VPS13D: variants seen among roughly 807,000 people sequenced by gnomAD.
VPS13D encodes vacuolar protein sorting 13 homolog D.
A neutral mutation model predicts 461.9 loss-of-function variants in VPS13D; 187 were observed. That is an observed-to-expected ratio of 0.40 (90% confidence interval 0.36 to 0.46). The LOEUF (loss-of-function observed/expected upper bound fraction) is 0.46, where lower values mean the gene tolerates loss of function less well. VPS13D is among the 20% of genes least tolerant of loss of function. The pLI is 0.60. For synonymous variants in VPS13D, 1,951 were observed against 1,986.3 expected (o/e 0.98, Z 0.47); for missense variants, 4,711 against 5,364.9 (o/e 0.88, Z 3.81).
chr1:12,345,181 T>C (rs1393871978), intron 42 of VPS13D, among the ~76,000 whole-genome samples, 193 bp from the exon 43 acceptor site: 1 of 152,206 alleles, frequency 6.6e-6, no homozygotes, highest in Non-Finnish European at 1.5e-5. Flanking sequence ...TTACAGATCT[T>C]GCAGTTTGTG....
At chr1:12,256,597 G>C (rs533568844) in intron 8 of VPS13D, 94 bp downstream of exon 8, 1 of 1,375,014 alleles carries the variant, frequency 7.3e-7, no homozygotes, top group Non-Finnish European at 9.9e-7. Context: ...AGGAAAGAAA[G>C]TTCATGTGAG....
chr1:12,449,047 T>C (rs1227319561), intron 65 of VPS13D, among the ~76,000 whole-genome samples: 1 of 151,884 alleles, frequency 6.6e-6, no homozygotes, highest in Non-Finnish European at 1.5e-5. Flanking sequence ...GAAAAAGGAG[T>C]GTCTGTTGCC....
At chr1:12,263,338 C>T (rs956517819) in intron 13 of VPS13D, among the ~76,000 whole-genome samples, 3 of 152,124 alleles carry the variant, frequency 2.0e-5, no homozygotes, top group Non-Finnish European at 2.9e-5. Context: ...GGAGGCAGAG[C>T]GTTGCCATGT....
intron 67 of VPS13D, among the ~76,000 whole-genome samples, chr1:12,479,543 C>G (rs1645684917): frequency 6.6e-6 from 1 of 152,196 alleles, no homozygotes. Context: ...TATACTTTCC[C>G]CATTGTACAG....
chr1:12,256,395 A>G lies in VPS13D; in HGVS notation c.732A>G (p.Ala244=), dbSNP rs1258056700. 9 of 1,613,966 alleles carry G rather than the reference A, an allele frequency of 5.6e-6. No homozygotes were observed. Among genetic ancestry groups the G allele is most frequent in the Non-Finnish European group, 6.8e-6 (8 of 1,180,026 alleles). The part of the protein sequence containing the change: ...SHHYVLEPVF[A]SALLKRNCSK... ...ACTACGTCCTGGAGCCTGTGTTTGC[A>G]TCTGCTCTTTTGAAGAGAAACTGCT... The change falls in exon 8 of 70, where the codon GCA becomes GCG. Residue 244 remains alanine (A), a synonymous_variant. Transcript: ENST00000620676.
At chr1:12,368,404 A>C in intron 52 of VPS13D, 64 bp from the exon 53 acceptor site, 1 of 1,530,698 alleles carries the variant, frequency 6.5e-7, no homozygotes, top group Non-Finnish European at 8.8e-7. Flanking sequence ...AAATATGAGA[A>C]GTAAGTGGAT....
chr1:12,496,666 T>C (rs1645962257), intron 67 of VPS13D, among the ~76,000 whole-genome samples: 1 of 152,240 alleles, frequency 6.6e-6, no homozygotes, highest in Non-Finnish European at 1.5e-5. Flanking sequence ...GCACAGCCTT[T>C]CCAAGACAAA....
At chr1:12,342,023 T>C in intron 41 of VPS13D, 138 bp downstream of exon 41, 1 of 705,764 alleles carries the variant, frequency 1.4e-6, no homozygotes, top group Non-Finnish European at 2.3e-6. Context: ...CTTGCTGAGA[T>C]TTATGATGGA....
At chr1:12,337,348 A>G (rs1002605663) in intron 39 of VPS13D, 2 of 152,208 alleles carry the variant, frequency 1.3e-5, no homozygotes, top group Non-Finnish European at 2.9e-5. Context: ...ATTTATTTTG[A>G]AAGTGAGTAG....
At chr1:12,249,084 T>C (rs1640650082) in intron 5 of VPS13D, 139 bp from the exon 6 acceptor site, 1 of 616,946 alleles carries the variant, frequency 1.6e-6, no homozygotes. Context: ...TGTGGTTTCC[T>C]TTAGTGGCTC....
chr1:12,400,407 G>A, intron 61 of VPS13D, 77 bp downstream of exon 61: 5 of 1,555,212 alleles, frequency 3.2e-6, no homozygotes, highest in South Asian at 2.4e-5. Flanking sequence ...AAGTCTCAGA[G>A]CAGCAGTGCC....
chr1:12,490,690 T>C lies in VPS13D; in HGVS notation c.12663-6810T>C, dbSNP rs537324183. Reference sequence around the variant, plus strand: ...CATGGCATGGTGGGAGCTACAGGTCTGAGATAGATGCAGCCCACGGCCTGG... The same window carrying C: ...CATGGCATGGTGGGAGCTACAGGTCCGAGATAGATGCAGCCCACGGCCTGG... On this transcript the variant is annotated intron_variant, in intron 67 of 69. Coordinates refer to ENST00000620676, the MANE Select transcript of VPS13D (RefSeq NM_015378.4). 2.9e-4 allele frequency among the ~76,000 whole-genome samples: 32 copies of C among 109,434 alleles called. 1 individual carries two copies. Among genetic ancestry groups the C allele is most frequent in the Non-Finnish European group, 3.9e-4 (20 of 51,386 alleles). 71.8% of individuals were successfully genotyped at this position (109,434 alleles called of 152,430 possible).
At chr1:12,426,712 G>T (rs1644928083) in intron 65 of VPS13D, among the ~76,000 whole-genome samples, 2 of 152,110 alleles carry the variant, frequency 1.3e-5, no homozygotes, top group Non-Finnish European at 2.9e-5. Flanking sequence ...TGTTATTCCT[G>T]AGAGTTTTAA....
intron 25 of VPS13D, among the ~76,000 whole-genome samples, chr1:12,302,338 C>T (rs1427912898): frequency 6.6e-6 from 1 of 152,090 alleles, no homozygotes; most frequent in East Asian, 1.9e-4. Flanking sequence ...CCAAGTTCAC[C>T]AGGACCATTT....
chr1:12,402,496 C>T (rs1416059367), intron 62 of VPS13D: 1 of 152,218 alleles, frequency 6.6e-6, no homozygotes, highest in Non-Finnish European at 1.5e-5. Flanking sequence ...AAAAAAATCA[C>T]TGGGAATGTG....
chr1:12,348,756 C>T (rs1165441830), intron 44 of VPS13D, 67 bp from the exon 45 acceptor site: 4 of 1,566,238 alleles, frequency 2.6e-6, no homozygotes, highest in East Asian at 4.5e-5. Flanking sequence ...ACATTCTGAT[C>T]GATATTATTG....
At chr1:12,446,079 G>A (rs1645188936) in intron 65 of VPS13D, among the ~76,000 whole-genome samples, 1 of 152,178 alleles carries the variant, frequency 6.6e-6, no homozygotes, top group African/African-American at 2.4e-5. Context: ...TGTGAATGGT[G>A]TATTACTCTT....
chr1:12,240,595 C>CAAAAAAAAAAAAAAAAAAAAAAAAAAAA, intron 2 of VPS13D, among the ~76,000 whole-genome samples: 1 of 43,060 alleles, frequency 2.3e-5, no homozygotes, highest in Non-Finnish European at 4.9e-5. Context: ...GATTCCATCT[C>CAAAAAAAAAAAAAAAAAAAAAAAAAAAA]AAAAAAAAAA....
At chr1:12,482,888 T>C (rs1645743397) in intron 67 of VPS13D, among the ~76,000 whole-genome samples, 2 of 151,848 alleles carry the variant, frequency 1.3e-5, no homozygotes, top group African/African-American at 4.8e-5. Context: ...AGAACGTCTT[T>C]CCATTCCAAA....
Sources: gnomAD v4.1 joint callset for allele counts (sites outside exome capture counted in the v4.1 genomes callset) on GRCh38, gnomAD v4.1.1 for gene constraint, MANE v1.5 for transcripts, NCBI Gene and HGNC (gene_info 2026-07-23, HGNC 2026-07-21) for gene names.